Variants in VAC14 observed in about 807,000 individuals in gnomAD.
VAC14 encodes protein VAC14 homolog.
In VAC14, 47 loss-of-function variants were observed where a neutral mutation model predicts 85.3. The observed-to-expected ratio is 0.55, with a 90% CI of 0.44 to 0.70. The LOEUF (loss-of-function observed/expected upper bound fraction) is 0.70, where lower values mean the gene tolerates loss of function less well. Ranked by LOEUF, VAC14 falls within the 30% of genes least tolerant of loss-of-function variation. The pLI is 0.00. For synonymous variants in VAC14, 447 were observed against 430.5 expected (o/e 1.04, Z -0.47); for missense variants, 861 against 1,004.3 (o/e 0.86, Z 1.93).
chr16:70,727,973 G>C (rs1418055157), intron 14 of VAC14, among the ~76,000 whole-genome samples: 2 of 152,204 alleles, frequency 1.3e-5, no homozygotes, highest in African/African-American at 4.8e-5. Flanking sequence ...TGCTGCTTTT[G>C]GGGGACAGCA....
At chr16:70,776,948 T>C (rs1170412229) in intron 9 of VAC14, among the ~76,000 whole-genome samples, 1 of 151,896 alleles carries the variant, frequency 6.6e-6, no homozygotes, top group African/African-American at 2.4e-5. Context: ...GCTTGGACTA[T>C]AGGCATGCAC....
chr16:70,797,083 TA>T (rs890059277), intron 1 of VAC14, among the ~76,000 whole-genome samples: 29 of 152,180 alleles, frequency 1.9e-4, no homozygotes, highest in African/African-American at 6.0e-4. Flanking sequence ...ATTAAAAAAT[TA>T]AAAAAATTCA....
intron 12 of VAC14, among the ~76,000 whole-genome samples, chr16:70,758,602 G>C (rs960480208): frequency 1.3e-5 from 2 of 152,196 alleles, no homozygotes; most frequent in Middle Eastern, 3.2e-3. Flanking sequence ...CTCACAGGTG[G>C]GGGTATGGCC....
At chr16:70,767,691 G>C (rs916250116) in intron 10 of VAC14, among the ~76,000 whole-genome samples, 1 of 152,218 alleles carries the variant, frequency 6.6e-6, no homozygotes, top group African/African-American at 2.4e-5. Context: ...GATCTAGCTT[G>C]AATTCCAGCT....
At chr16:70,761,370 A>G in intron 12 of VAC14, 2 of 233,534 alleles carry the variant, frequency 8.6e-6, no homozygotes, top group South Asian at 9.3e-5. Context: ...AGCTCTGCCT[A>G]CAGCTCACAG....
At position 70,785,556 on chromosome 16, in the gene VAC14, A is replaced by C. The variant is rs2034009390; in HGVS notation, c.423+146T>G. ...AAATGCAAGTCCATTAAAAATGATT[A>C]GATTCAACAGACAGTAAGTGTCCCT... On this transcript the variant is annotated intron_variant, in intron 3 of 18. Coordinates refer to ENST00000261776, the MANE Select transcript of VAC14 (RefSeq NM_018052.5). The C allele has an allele frequency of 1.7e-5, 16 of 930,816 alleles. No homozygotes were observed. The Middle Eastern group carries it at 1.0e-3, about 60-fold the overall frequency. The allele number at this position is 930,816 out of a possible 1,614,324, so 57.7% of individuals were successfully genotyped here.
intron 18 of VAC14, chr16:70,689,434 G>T (rs1191407075): frequency 1.0e-6 from 1 of 985,086 alleles, no homozygotes; most frequent in Non-Finnish European, 1.2e-6. Context: ...GTTCAGTCCA[G>T]CAGGAAGAGT....
chr16:70,757,361 C>T (rs775909371), intron 12 of VAC14, among the ~76,000 whole-genome samples: 3 of 152,206 alleles, frequency 2.0e-5, no homozygotes, highest in South Asian at 2.1e-4. Flanking sequence ...GCCTGCGAGT[C>T]GGGGAAGTGG....
chr16:70,715,021 T>G (rs898866597), intron 14 of VAC14: 5 of 152,270 alleles, frequency 3.3e-5, no homozygotes, highest in Admixed American at 3.3e-4. Context: ...AAGGCTCCTC[T>G]CAGGGACTTG....
chr16:70,742,070 G>C (rs1402258018), intron 13 of VAC14, among the ~76,000 whole-genome samples: 1 of 152,224 alleles, frequency 6.6e-6, no homozygotes, highest in Non-Finnish European at 1.5e-5. Context: ...CTGTGCCCGG[G>C]AGGAAGAGAT....
chr16:70,777,186 C>A (rs1189162472), intron 9 of VAC14, among the ~76,000 whole-genome samples: 2 of 152,164 alleles, frequency 1.3e-5, no homozygotes, highest in Non-Finnish European at 2.9e-5. Context: ...CTCAAATGAT[C>A]CGCCTGCCTT....
At chr16:70,708,080 G>C (rs1338629809) in intron 14 of VAC14, among the ~76,000 whole-genome samples, 2 of 152,148 alleles carry the variant, frequency 1.3e-5, no homozygotes, top group African/African-American at 2.4e-5. Context: ...GTGAGCCACC[G>C]CACCTGCCTT....
At position 70,687,966 on chromosome 16, in the gene VAC14, C is replaced by T. The variant is rs761762197; in HGVS notation, c.2311G>A (p.Gly771Arg). The T allele has an allele frequency of 7.5e-6, 12 of 1,589,968 alleles. No homozygotes were observed. Among genetic ancestry groups the T allele is most frequent in the East Asian group, 6.9e-5 (3 of 43,266 alleles). Residue 771 changes from glycine to arginine, a missense_variant, in exon 19 of 19, where the codon GGG (glycine) becomes AGG (arginine). By Grantham distance (125) the Gly-to-Arg change is moderately radical. This residue lies in a region of VAC14 where 163 missense variants were observed against 162.2 expected (regional missense o/e 1.00). Transcript: ENST00000261776. The part of the protein sequence containing the change: ...KHLEVRHQRS[G>R]RGDHLDRRVV... The stretch of plus-strand genomic sequence containing the variant: ...CTCCGGTCCAGGTGGTCCCCACGCC[C>T]GCTCCGCTGGTGCCGCACTTCCAGG...
intron 14 of VAC14, among the ~76,000 whole-genome samples, chr16:70,702,955 G>C (rs184186908): frequency 6.6e-6 from 1 of 152,362 alleles, no homozygotes; most frequent in African/African-American, 2.4e-5. Flanking sequence ...AGGAATCTGA[G>C]GTTCAGAGAG....
intron 14 of VAC14, 37 bp from the exon 15 acceptor site, chr16:70,698,848 G>A (rs771994921): frequency 9.3e-6 from 15 of 1,607,916 alleles, no homozygotes; most frequent in South Asian, 2.2e-5. Context: ...GGCGCAGGCC[G>A]ACCTGGAAGG....
At chr16:70,725,307 T>C (rs1403629406) in intron 14 of VAC14, among the ~76,000 whole-genome samples, 1 of 152,180 alleles carries the variant, frequency 6.6e-6, no homozygotes, top group Non-Finnish European at 1.5e-5. Flanking sequence ...GGGGCGCCAG[T>C]GGTGCAGACG....
chr16:70,731,927 G>A (rs976576939), intron 13 of VAC14, among the ~76,000 whole-genome samples: 1 of 151,848 alleles, frequency 6.6e-6, no homozygotes, highest in South Asian at 2.1e-4. Flanking sequence ...ACCACTTAGT[G>A]AACATCTCAT....
intron 1 of VAC14, among the ~76,000 whole-genome samples, chr16:70,794,910 A>G (rs1049702850): frequency 6.6e-6 from 1 of 152,250 alleles, no homozygotes; most frequent in African/African-American, 2.4e-5. Context: ...AACAGACTGC[A>G]TATTCCACAG....
At chr16:70,692,778 C>A (rs2053623283) in intron 18 of VAC14, 43 bp downstream of exon 18, 1 of 1,573,848 alleles carries the variant, frequency 6.4e-7, no homozygotes, top group Non-Finnish European at 8.6e-7. Context: ...TGGGCCTGTC[C>A]CTGCTCAGGG....
Sources: gnomAD v4.1 joint callset for allele counts (sites outside exome capture counted in the v4.1 genomes callset) on GRCh38, gnomAD v4.1.1 for gene constraint, gnomAD v4.1.1 regional missense constraint, MANE v1.5 for transcripts, NCBI Gene and HGNC (gene_info 2026-07-23, HGNC 2026-07-21) for gene names.